CFAP299: variants seen among roughly 807,000 people sequenced by gnomAD.
The protein encoded by CFAP299 is cilia- and flagella-associated protein 299.
CFAP299 carries 21 observed loss-of-function variants against 27.0 expected under a neutral mutation model. The ratio of observed to expected loss-of-function variants is 0.78; its 90% CI spans 0.55 to 1.12. The LOEUF (loss-of-function observed/expected upper bound fraction) is 1.12, where lower values mean the gene tolerates loss of function less well. CFAP299 is among the 50% of genes most tolerant of loss of function. The pLI is 0.00. For synonymous variants in CFAP299, 104 were observed against 98.1 expected (o/e 1.06, Z -0.36); for missense variants, 310 against 276.6 (o/e 1.12, Z -0.86).
chr4:80,332,661 A>G (rs543633498), upstream of CFAP299, among the ~76,000 whole-genome samples: 3 of 152,274 alleles, frequency 2.0e-5, no homozygotes, highest in South Asian at 6.2e-4. Context: ...ATATAAGATT[A>G]AGGAGAGAGG....
At chr4:80,332,735 T>C (rs937283221), upstream of CFAP299, among the ~76,000 whole-genome samples, 1 of 152,118 alleles carries the variant, frequency 6.6e-6, no homozygotes. Flanking sequence ...ACATAGATTG[T>C]AGGGCAATGC....
chr4:80,687,780 G>A (rs1364235228), intron 3 of CFAP299, among the ~76,000 whole-genome samples: 1 of 152,278 alleles, frequency 6.6e-6, no homozygotes, highest in South Asian at 2.1e-4. Flanking sequence ...GAGGTACCGG[G>A]TTCATCTCAC....
chr4:80,899,450 T>C (rs1187391246), intron 4 of CFAP299, among the ~76,000 whole-genome samples: 1 of 152,050 alleles, frequency 6.6e-6, no homozygotes, highest in Non-Finnish European at 1.5e-5. Flanking sequence ...AGAAAATGAA[T>C]CTGAGAAGGA....
At chr4:80,945,031 T>A in intron 5 of CFAP299, 92 bp downstream of exon 5, 7 of 1,219,972 alleles carry the variant, frequency 5.7e-6, no homozygotes, top group Non-Finnish European at 8.3e-6. Context: ...TTTGACACTC[T>A]TAAGTTGTTA....
intron 3 of CFAP299, 40 bp downstream of exon 3, chr4:80,583,223 A>G: frequency 1.7e-6 from 2 of 1,160,938 alleles, no homozygotes; most frequent in Non-Finnish European, 2.5e-6. Flanking sequence ...TGTATACACT[A>G]AATGCACAAT....
At chr4:80,499,767 AT>A (rs912109707) in intron 2 of CFAP299, among the ~76,000 whole-genome samples, 1 of 151,766 alleles carries the variant, frequency 6.6e-6, no homozygotes, top group Admixed American at 6.6e-5. Context: ...TCCTCTTGAT[AT>A]TTTTTTTCCT....
chr4:80,386,951 C>T, intron 2 of CFAP299: 2 of 903,098 alleles, frequency 2.2e-6, no homozygotes, highest in Non-Finnish European at 3.7e-6. Flanking sequence ...AATGCACCCG[C>T]CGGGAGGACT....
chr4:80,647,793 G>C (rs373646595), intron 3 of CFAP299, among the ~76,000 whole-genome samples: 1 of 152,160 alleles, frequency 6.6e-6, no homozygotes. Flanking sequence ...ATGTTTCTAG[G>C]CTGGGCACAG....
intron 2 of CFAP299, among the ~76,000 whole-genome samples, chr4:80,440,181 C>G (rs1039721984): frequency 6.6e-6 from 1 of 152,216 alleles, no homozygotes; most frequent in Non-Finnish European, 1.5e-5. Flanking sequence ...GCGGATCTCT[C>G]AGCACAATGC....
chr4:80,799,263 A>G (rs1385414669), intron 3 of CFAP299, among the ~76,000 whole-genome samples: 1 of 112,994 alleles, frequency 8.9e-6, no homozygotes, highest in East Asian at 2.3e-4. Context: ...AAATATATTT[A>G]TATAATATTT....
intron 3 of CFAP299, among the ~76,000 whole-genome samples, chr4:80,630,078 G>A (rs1267594632): frequency 6.6e-6 from 1 of 151,940 alleles, no homozygotes; most frequent in African/African-American, 2.4e-5. Flanking sequence ...CCAGAATGCA[G>A]CAAAGAAAGG....
At chr4:80,697,308 C>G (rs1721165695) in intron 3 of CFAP299, among the ~76,000 whole-genome samples, 1 of 151,964 alleles carries the variant, frequency 6.6e-6, no homozygotes, top group African/African-American at 2.4e-5. Context: ...CTATCTTTAA[C>G]CTATCTTATT....
At chr4:80,455,198 G>T (rs879828714) in intron 2 of CFAP299, among the ~76,000 whole-genome samples, 1 of 152,106 alleles carries the variant, frequency 6.6e-6, no homozygotes, top group African/African-American at 2.4e-5. Flanking sequence ...AGGCAAGAAG[G>T]GGGTTTGTTT....
intron 2 of CFAP299, among the ~76,000 whole-genome samples, chr4:80,452,583 T>C (rs1319191954): frequency 2.0e-5 from 3 of 152,180 alleles, no homozygotes; most frequent in African/African-American, 7.2e-5. Flanking sequence ...AGAAATTCAA[T>C]GCCTTTTGGA....
Position 80,791,948 on chromosome 4 carries a change from G to A in CFAP299, c.334-78045G>A, listed in dbSNP as rs145839876. On this transcript the variant is annotated intron_variant, in intron 3 of 5. Coordinates refer to ENST00000358105, the MANE Select transcript of CFAP299 (RefSeq NM_152770.3). ...AGAATGACACTGAGGAGCAGGGAGC[G>A]GGGTTATCAAAAATATAAACAACTT... Among the ~76,000 whole-genome samples the A allele has an allele frequency of 9.5e-4, 144 of 151,666 alleles. No individual in the cohort carries two copies. The Middle Eastern group carries it at 0.014, about 15-fold the overall frequency.
chr4:80,903,788 A>G (rs1015777366), intron 4 of CFAP299, among the ~76,000 whole-genome samples: 2 of 152,116 alleles, frequency 1.3e-5, no homozygotes, highest in African/African-American at 4.8e-5. Context: ...ATTAATTAAT[A>G]TTGATTAGCT....
chr4:80,552,530 T>C (rs1734574908), intron 2 of CFAP299, among the ~76,000 whole-genome samples: 1 of 152,152 alleles, frequency 6.6e-6, no homozygotes, highest in African/African-American at 2.4e-5. Flanking sequence ...TAAAGTCTCC[T>C]AATATATCTT....
At chr4:80,897,924 A>T (rs552450884) in intron 4 of CFAP299, among the ~76,000 whole-genome samples, 1 of 152,268 alleles carries the variant, frequency 6.6e-6, no homozygotes, top group South Asian at 2.1e-4. Context: ...AGCCTGCGGC[A>T]CTCAACCCCT....
intron 3 of CFAP299, among the ~76,000 whole-genome samples, chr4:80,768,598 G>A (rs1726031756): frequency 6.6e-6 from 1 of 152,112 alleles, no homozygotes; most frequent in South Asian, 2.1e-4. Context: ...TCATTGATTT[G>A]CCAAAGAAGG....
Sources: allele counts gnomAD v4.1 joint callset (sites outside exome capture counted in the v4.1 genomes callset), GRCh38; gene constraint gnomAD v4.1.1; transcripts MANE v1.5; gene names NCBI Gene and HGNC (gene_info 2026-07-23, HGNC 2026-07-21).